The following NCOA2 variants were observed in gnomAD, a reference collection of about 807,000 sequenced individuals.
NCOA2 encodes class E basic helix-loop-helix protein 75.
In NCOA2, 21 loss-of-function variants were observed where a neutral mutation model predicts 145.1. The ratio of observed to expected loss-of-function variants is 0.14; its 90% CI spans 0.10 to 0.21. The LOEUF is 0.21. Among genes scored for constraint, NCOA2 ranks in the 10% least tolerant of loss-of-function variants. The probability of loss-of-function intolerance (pLI) is 1.00; values close to 1 mark genes in which losing one functional copy is unlikely to be tolerated. For synonymous variants in NCOA2, 619 were observed against 637.5 expected (o/e 0.97, Z 0.44); for missense variants, 1,472 against 1,837.6 (o/e 0.80, Z 3.64).
intron 2 of NCOA2, among the ~76,000 whole-genome samples, chr8:70,222,346 A>C (rs1820218593): frequency 6.6e-6 from 1 of 152,230 alleles, no homozygotes; most frequent in African/African-American, 2.4e-5. Flanking sequence ...TAGAGGATTA[A>C]AGAAAATAAC....
At chr8:70,172,118 G>A (rs893580745) in intron 5 of NCOA2, among the ~76,000 whole-genome samples, 7 of 152,042 alleles carry the variant, frequency 4.6e-5, no homozygotes, top group South Asian at 4.1e-4. Flanking sequence ...GAGCCAGTGC[G>A]CCAGTCTTTT....
intron 1 of NCOA2, among the ~76,000 whole-genome samples, chr8:70,354,936 A>G (rs1809553553): frequency 6.6e-6 from 1 of 152,220 alleles, no homozygotes; most frequent in Non-Finnish European, 1.5e-5. Context: ...GGGAAAAATT[A>G]AGATGATCAA....
chr8:70,377,156 C>T (rs1334718440), intron 1 of NCOA2, among the ~76,000 whole-genome samples: 2 of 151,238 alleles, frequency 1.3e-5, no homozygotes, highest in African/African-American at 4.9e-5. Flanking sequence ...ATCAAAGCTC[C>T]CTTAATGAGT....
intron 1 of NCOA2, among the ~76,000 whole-genome samples, chr8:70,308,662 C>A (rs1828079104): frequency 6.6e-6 from 1 of 152,156 alleles, no homozygotes; most frequent in South Asian, 2.1e-4. Flanking sequence ...ATCTAACACC[C>A]CTCTTTCTAG....
Position 70,156,769 on chromosome 8 carries a change from G to A in NCOA2, c.1596C>T (p.Ser532=). The A allele has an allele frequency of 6.2e-7, 1 of 1,614,020 alleles. No homozygotes were observed. Among genetic ancestry groups the A allele is most frequent in the Non-Finnish European group, 8.5e-7 (1 of 1,179,894 alleles). The change falls in exon 11 of 23, where the codon AGC becomes AGT. Residue 532 remains serine (S), a synonymous_variant. Coordinates refer to ENST00000452400, the MANE Select transcript of NCOA2 (RefSeq NM_006540.4). ...STGNSHSYTN[S]SLNALQALSE... is the part of the protein sequence containing the mutation. ...TGAGGGCCTGAAGTGCATTGAGGGA[G>A]CTGTTGGTATAACTATGGCTATTTC... is the stretch of plus-strand genomic sequence containing the variant.
chr8:70,247,335 C>T (rs897643892), intron 2 of NCOA2, among the ~76,000 whole-genome samples: 1 of 151,838 alleles, frequency 6.6e-6, no homozygotes, highest in Non-Finnish European at 1.5e-5. Context: ...ATGCCAACAC[C>T]TCATAATGAA....
chr8:70,404,219 G>A (rs1047526044), upstream of NCOA2, among the ~76,000 whole-genome samples: 6 of 152,202 alleles, frequency 3.9e-5, no homozygotes, highest in Non-Finnish European at 7.3e-5. Flanking sequence ...GAGGTGACTG[G>A]AACTGAAGAG....
chr8:70,170,400 T>A, intron 5 of NCOA2, 21 bp from the exon 6 acceptor site: 1 of 1,545,204 alleles, frequency 6.5e-7, no homozygotes, highest in Non-Finnish European at 8.7e-7. Flanking sequence ...AAGTACAAAT[T>A]GTGTTAGAAA....
At chr8:70,149,032 G>T (rs1289842439) in intron 11 of NCOA2, among the ~76,000 whole-genome samples, 1 of 151,428 alleles carries the variant, frequency 6.6e-6, no homozygotes, top group African/African-American at 2.4e-5. Context: ...AGCAAAATAA[G>T]CTTGAAGCAT....
intron 2 of NCOA2, among the ~76,000 whole-genome samples, chr8:70,218,508 C>T (rs986314560): frequency 2.0e-5 from 3 of 152,150 alleles, no homozygotes; most frequent in African/African-American, 7.2e-5. Context: ...CAAGCTTCAC[C>T]ACTTTTAGCT....
chr8:70,395,904 C>T (rs1465443393), intron 1 of NCOA2, among the ~76,000 whole-genome samples: 1 of 152,174 alleles, frequency 6.6e-6, no homozygotes, highest in Non-Finnish European at 1.5e-5. Context: ...TCGATGACAA[C>T]AGGTCTTCAG....
At chr8:70,366,851 C>A (rs1373834608) in intron 1 of NCOA2, among the ~76,000 whole-genome samples, 1 of 152,068 alleles carries the variant, frequency 6.6e-6, no homozygotes, top group Admixed American at 6.6e-5. Context: ...CCAGTAGCCA[C>A]AATTCACACA....
intron 4 of NCOA2, among the ~76,000 whole-genome samples, chr8:70,203,791 A>C (rs1334286808): frequency 2.0e-5 from 3 of 152,248 alleles, no homozygotes; most frequent in Admixed American, 6.5e-5. Flanking sequence ...ATTAAATGTA[A>C]ACATCAGCTC....
chr8:70,177,070 C>G (rs938695375), intron 4 of NCOA2, among the ~76,000 whole-genome samples: 3 of 152,230 alleles, frequency 2.0e-5, no homozygotes, highest in Non-Finnish European at 2.9e-5. Context: ...CACAGACTGA[C>G]TGATCTGCAG....
At chr8:70,404,147 G>A (rs2131890399), upstream of NCOA2, among the ~76,000 whole-genome samples, 1 of 152,368 alleles carries the variant, frequency 6.6e-6, no homozygotes, top group South Asian at 2.1e-4. Flanking sequence ...CCGGGGAGAG[G>A]TGAAGAAGAG....
chr8:70,343,372 C>G (rs11993436), intron 1 of NCOA2, among the ~76,000 whole-genome samples: 4,178 of 151,130 alleles, frequency 0.028, 196 homozygotes, highest in African/African-American at 0.097. Flanking sequence ...CAAAGTTGAT[C>G]CAAAAAAATC....
At chr8:70,165,438 C>G (rs1013605268) in intron 7 of NCOA2, among the ~76,000 whole-genome samples, 1 of 152,194 alleles carries the variant, frequency 6.6e-6, no homozygotes, top group Non-Finnish European at 1.5e-5. Context: ...AGTCCCAGAG[C>G]TGGGAGCAGC....
At chr8:70,244,257 T>C (rs1822419848) in intron 2 of NCOA2, among the ~76,000 whole-genome samples, 1 of 152,138 alleles carries the variant, frequency 6.6e-6, no homozygotes, top group East Asian at 1.9e-4. Flanking sequence ...TCTCCGAATA[T>C]ATGTTGTGTA....
chr8:70,319,208 C>T (rs573489996), intron 1 of NCOA2, among the ~76,000 whole-genome samples: 1 of 152,182 alleles, frequency 6.6e-6, no homozygotes, highest in East Asian at 1.9e-4. Flanking sequence ...GTCTATTATG[C>T]ATGTTATATA....
Sources: gnomAD v4.1 joint callset for allele counts (sites outside exome capture counted in the v4.1 genomes callset) on GRCh38, gnomAD v4.1.1 for gene constraint, MANE v1.5 for transcripts, NCBI Gene and HGNC (gene_info 2026-07-23, HGNC 2026-07-21) for gene names.